The following SCN9A variants were observed in gnomAD, a reference collection of about 807,000 sequenced individuals.
SCN9A encodes sodium channel protein type 9 subunit alpha.
A neutral mutation model predicts 187.0 loss-of-function variants in SCN9A; 131 were observed. That is an observed-to-expected ratio of 0.70 (90% CI 0.61 to 0.81). The LOEUF is 0.81. Ranked by LOEUF, SCN9A falls within the 30% of genes least tolerant of loss-of-function variation. The pLI is 0.00. For synonymous variants in SCN9A, 809 were observed against 808.6 expected, an observed-to-expected ratio of 1.00 and a Z score of -0.01; for missense variants, 2,252 against 2,396.6, an observed-to-expected ratio of 0.94 and a Z score of 1.26.
At chr2:166,220,726 A>C (rs1694548068) in intron 24 of SCN9A, among the ~76,000 whole-genome samples, 1 of 152,178 alleles carries the variant, frequency 6.6e-6, no homozygotes, top group South Asian at 2.1e-4. Flanking sequence ...AATGGTGAAA[A>C]ACTGAAAAAC....
chr2:166,340,114 A>G (rs1318568606), intron 1 of SCN9A, among the ~76,000 whole-genome samples: 1 of 152,176 alleles, frequency 6.6e-6, no homozygotes, highest in Non-Finnish European at 1.5e-5. Flanking sequence ...CAAATGGGAA[A>G]CCAGTCTCCT....
intron 1 of SCN9A, among the ~76,000 whole-genome samples, chr2:166,340,586 C>CTTTG (rs1699754712): frequency 1.3e-4 from 8 of 62,318 alleles, no homozygotes; most frequent in Admixed American, 4.5e-4. Flanking sequence ...TTCTTTCTTT[C>CTTTG]TTTCTTTCTT....
At chr2:166,219,218 T>G (rs931556263) in intron 24 of SCN9A, among the ~76,000 whole-genome samples, 1 of 152,154 alleles carries the variant, frequency 6.6e-6, no homozygotes, top group Non-Finnish European at 1.5e-5. Context: ...CATTACTGGG[T>G]ATATACCTAA....
At chr2:166,352,503 T>G (rs1010398527) in intron 1 of SCN9A, among the ~76,000 whole-genome samples, 1 of 152,170 alleles carries the variant, frequency 6.6e-6, no homozygotes, top group Admixed American at 6.5e-5. Context: ...CATTCTGTAC[T>G]GAAGTATAGA....
intron 1 of SCN9A, among the ~76,000 whole-genome samples, chr2:166,375,465 G>A: frequency 6.6e-6 from 1 of 152,190 alleles, no homozygotes; most frequent in Non-Finnish European, 1.5e-5. Context: ...AAACCGCACA[G>A]GAGCTGCCCA....
intron 22 of SCN9A, 100 bp from the exon 23 acceptor site, chr2:166,227,823 A>G (rs1327491074): frequency 5.7e-6 from 4 of 702,212 alleles, no homozygotes; most frequent in Non-Finnish European, 1.0e-5. Context: ...ATTATTAAGT[A>G]ATACTAGTAA....
rs1697055558 is a variant in SCN9A at position 166,272,710 on chromosome 2, A to G, written c.3040T>C (p.Phe1014Leu). 2.5e-6 allele frequency: 4 copies of G among 1,596,118 alleles called. No homozygotes were observed. The highest frequency in any genetic ancestry group is 2.6e-6 in the Non-Finnish European group (3 of 1,171,924). ...CTGGAAATCTTTGGCTTTTTGGAAA[A>G]TGCTTTTAGAATAAATTCACGTAAG... ...QTLREFILKA[F>L]SKKPKISREI... is the part of the protein sequence containing the mutation. The change falls in exon 17 of 27, where the codon TTT becomes CTT. Residue 1014 changes from phenylalanine (F) to leucine (L), a missense_variant. Coordinates refer to ENST00000642356, the MANE Select transcript of SCN9A (RefSeq NM_001365536.1).
intron 24 of SCN9A, among the ~76,000 whole-genome samples, chr2:166,222,942 C>CAAAAAAAAAAAA (rs1558960810): frequency 1.8e-5 from 1 of 55,302 alleles, no homozygotes; most frequent in Non-Finnish European, 3.4e-5. Flanking sequence ...AAAAAAAAAA[C>CAAAAAAAAAAAA]AACAAAAAAA....
At chr2:166,305,649 A>G in intron 5 of SCN9A, 143 bp downstream of exon 5, 1 of 1,084,428 alleles carries the variant, frequency 9.2e-7, no homozygotes, top group Non-Finnish European at 1.3e-6. Context: ...ATCAATGACT[A>G]GCTTTCATAT....
At chr2:166,226,009 G>A (rs1694828429) in intron 24 of SCN9A, among the ~76,000 whole-genome samples, 1 of 152,024 alleles carries the variant, frequency 6.6e-6, no homozygotes, top group Admixed American at 6.6e-5. Flanking sequence ...GTTCTCGTAG[G>A]TCAAAGAAAC....
chr2:166,277,132 G>A lies in SCN9A; in HGVS notation c.2725C>T (p.His909Tyr). The A allele has an allele frequency of 6.2e-7, 1 of 1,613,980 alleles. No individual in the cohort carries two copies. The highest frequency in any genetic ancestry group is 8.5e-7 in the Non-Finnish European group (1 of 1,179,978). ...INDDCTLPRW[H>Y]MNDFFHSFLI... ...AAGGAGTGGAAGAAGTCGTTCATGTGCCACCGTGGGAGCGTACAGTCATCA... is the reference window on the plus strand; with the variant it reads ...AAGGAGTGGAAGAAGTCGTTCATGTACCACCGTGGGAGCGTACAGTCATCA... Residue 909 changes from histidine to tyrosine, a missense_variant, in exon 16 of 27, where the codon CAC becomes TAC. By Grantham distance (83) the His-to-Tyr change is moderately conservative. Coordinates refer to ENST00000642356, the MANE Select transcript of SCN9A (RefSeq NM_001365536.1).
chr2:166,280,413 T>C lies in SCN9A; in HGVS notation c.2287A>G (p.Met763Val), dbSNP rs200612128. 2.5e-6 allele frequency: 4 copies of C among 1,591,792 alleles called. No homozygotes were observed. The highest frequency in any genetic ancestry group is 3.4e-6 in the Non-Finnish European group (4 of 1,167,662). Residue 763 changes from methionine (M) to valine (V), a missense_variant, in exon 14 of 27, where the codon ATG (methionine) becomes GTG (valine). Met to Val is a conservative substitution (Grantham distance 21). This residue lies in a region of SCN9A where 1,013 missense variants were observed against 997.4 expected (regional missense o/e 1.02). Transcript: ENST00000642356. ...TCCTCAGTCATTGGGTGGTGTTCCA[T>C]AGCCATAAATAATGTGTTTAAAACT... ...CIVLNTLFMA[M>V]EHHPMTEEFK...
At position 166,195,927 on chromosome 2, in the gene SCN9A, AG is replaced by A. The variant is rs763459885; in HGVS notation, c.*2744del. On this transcript the variant is annotated 3_prime_UTR_variant, in exon 27 of 27. Transcript: ENST00000642356. ...GCCAGGCATGGTGGCATGTACCTGT[AG>A]TCTTAGCTACTTGGGAGGCTGAGGC... is the stretch of plus-strand genomic sequence containing the variant. 2.0e-5 allele frequency: 3 copies of A among 152,236 alleles called. No individual in the cohort carries two copies. The highest frequency in any genetic ancestry group is 2.9e-5 in the Non-Finnish European group (2 of 68,134). The allele number at this position is 152,236 out of a possible 1,614,324, so 9.4% of individuals were successfully genotyped here. A position where few individuals can be genotyped will look rare whatever the true frequency, so the allele number is the denominator to read the frequency against.
chr2:166,207,911 C>A (rs1053805551), intron 24 of SCN9A, among the ~76,000 whole-genome samples: 1 of 152,070 alleles, frequency 6.6e-6, no homozygotes, highest in Non-Finnish European at 1.5e-5. Flanking sequence ...TTACAGCATG[C>A]CAAGAACTTG....
chr2:166,221,234 C>T (rs1694571633), intron 24 of SCN9A, among the ~76,000 whole-genome samples: 1 of 152,044 alleles, frequency 6.6e-6, no homozygotes, highest in Admixed American at 6.6e-5. Context: ...CCATACTACC[C>T]TAAGTGATCT....
intron 1 of SCN9A, among the ~76,000 whole-genome samples, chr2:166,345,728 T>C (rs1308909927): frequency 6.6e-6 from 1 of 152,190 alleles, no homozygotes; most frequent in Non-Finnish European, 1.5e-5. Flanking sequence ...GTTGTCATCA[T>C]TAGTAATGAA....
chr2:166,373,662 A>G (rs1481001619), intron 1 of SCN9A, among the ~76,000 whole-genome samples: 2 of 152,182 alleles, frequency 1.3e-5, no homozygotes. Context: ...TGGTGAAGGC[A>G]TTTATTCAGA....
chr2:166,199,935 C>G (rs1693405225), intron 26 of SCN9A, 71 bp from the exon 27 acceptor site: 4 of 823,158 alleles, frequency 4.9e-6, no homozygotes, highest in Middle Eastern at 3.8e-4. Flanking sequence ...TGACTCTAAA[C>G]AGTTTTATCT....
chr2:166,233,594 A>G, intron 20 of SCN9A, 132 bp from the exon 21 acceptor site: 4 of 530,244 alleles, frequency 7.5e-6, no homozygotes, highest in Non-Finnish European at 1.2e-5. Flanking sequence ...TGTGTAGTCA[A>G]TGCCTAAAAA....
Sources: gnomAD v4.1 joint callset for allele counts (sites outside exome capture counted in the v4.1 genomes callset) on GRCh38, gnomAD v4.1.1 for gene constraint, gnomAD v4.1.1 regional missense constraint, MANE v1.5 for transcripts, NCBI Gene and HGNC (gene_info 2026-07-23, HGNC 2026-07-21) for gene names.